The following BICC1 variants were observed in gnomAD, a reference collection of about 807,000 sequenced individuals.
The protein encoded by BICC1 is BicC family RNA binding protein 1.
BICC1 carries 43 observed loss-of-function variants against 111.0 expected under a neutral mutation model. The ratio of observed to expected loss-of-function variants is 0.39; its 90% confidence interval spans 0.30 to 0.50. BICC1 has a LOEUF of 0.50. Among genes scored for constraint, BICC1 ranks in the 20% least tolerant of loss-of-function variants. The pLI, the probability that BICC1 is intolerant of heterozygous loss-of-function variation, is 0.88. For synonymous variants in BICC1, 467 were observed against 434.4 expected (o/e 1.07, Z -0.93); for missense variants, 1,091 against 1,203.2 (o/e 0.91, Z 1.38).
At chr10:58,771,501 G>A (rs12783881) in intron 3 of BICC1, among the ~76,000 whole-genome samples, 24,184 of 152,018 alleles carry the variant, frequency 0.16, 2,467 homozygotes, top group Middle Eastern at 0.27. Flanking sequence ...AAGGGAACAA[G>A]CAGTGTCACG....
At chr10:58,752,285 G>T (rs1363673908) in intron 3 of BICC1, among the ~76,000 whole-genome samples, 1 of 152,098 alleles carries the variant, frequency 6.6e-6, no homozygotes, top group East Asian at 1.9e-4. Flanking sequence ...GCGTATTGAT[G>T]GCATTTTAAA....
intron 8 of BICC1, among the ~76,000 whole-genome samples, chr10:58,792,580 A>G (rs1791723961): frequency 6.6e-6 from 1 of 152,122 alleles, no homozygotes; most frequent in African/African-American, 2.4e-5. Flanking sequence ...AGATTCTCAT[A>G]GGGGCATGAA....
intron 2 of BICC1, among the ~76,000 whole-genome samples, chr10:58,627,274 T>C (rs1837661850): frequency 6.6e-6 from 1 of 152,212 alleles, no homozygotes. Context: ...GAAATTGAAT[T>C]CATGAAAATA....
intron 1 of BICC1, among the ~76,000 whole-genome samples, chr10:58,580,216 G>T (rs547825178): frequency 6.6e-6 from 1 of 152,036 alleles, no homozygotes; most frequent in African/African-American, 2.4e-5. Context: ...TAGAGACAGG[G>T]TTTCACCATG....
At chr10:58,603,114 G>GA (rs1331314572) in intron 1 of BICC1, among the ~76,000 whole-genome samples, 1 of 152,100 alleles carries the variant, frequency 6.6e-6, no homozygotes, top group Non-Finnish European at 1.5e-5. Flanking sequence ...ATTTCACCTT[G>GA]AAAAACAGCT....
intron 2 of BICC1, among the ~76,000 whole-genome samples, chr10:58,679,588 G>A (rs1302557298): frequency 3.3e-5 from 5 of 152,172 alleles, no homozygotes; most frequent in Non-Finnish European, 7.3e-5. Flanking sequence ...TGGATTCACA[G>A]CCGAATTGTA....
chr10:58,668,902 G>A (rs138931841), intron 2 of BICC1, among the ~76,000 whole-genome samples: 1 of 152,098 alleles, frequency 6.6e-6, no homozygotes, highest in Non-Finnish European at 1.5e-5. Flanking sequence ...AAGAAATAGT[G>A]CCTATTTGAG....
chr10:58,659,529 C>G (rs1353381562), intron 2 of BICC1, among the ~76,000 whole-genome samples: 3 of 152,102 alleles, frequency 2.0e-5, no homozygotes, highest in African/African-American at 7.2e-5. Flanking sequence ...GGGAGCTAAA[C>G]TTTGAGTACA....
chr10:58,620,808 T>C (rs1845777699), intron 1 of BICC1, 47 bp from the exon 2 acceptor site: 11 of 1,578,886 alleles, frequency 7.0e-6, no homozygotes, highest in Non-Finnish European at 9.5e-6. Context: ...GTTTTTTGAA[T>C]GCATACATTG....
chr10:58,540,657 A>G (rs1842940367), intron 1 of BICC1, among the ~76,000 whole-genome samples: 1 of 152,064 alleles, frequency 6.6e-6, no homozygotes, highest in Non-Finnish European at 1.5e-5. Flanking sequence ...AGATGGCTTC[A>G]CTGGAGAATG....
At chr10:58,591,776 G>C (rs71508110) in intron 1 of BICC1, among the ~76,000 whole-genome samples, 1 of 152,190 alleles carries the variant, frequency 6.6e-6, no homozygotes, top group Non-Finnish European at 1.5e-5. Flanking sequence ...CAAGAGTTTA[G>C]GTATGTGCTG....
chr10:58,552,347 T>C (rs1843316799), intron 1 of BICC1, among the ~76,000 whole-genome samples: 2 of 152,084 alleles, frequency 1.3e-5, no homozygotes, highest in Admixed American at 1.3e-4. Flanking sequence ...TTTATTTATT[T>C]ATTTTTGAGA....
chr10:58,573,949 C>A (rs1387652319), intron 1 of BICC1, among the ~76,000 whole-genome samples: 2 of 152,146 alleles, frequency 1.3e-5, no homozygotes, highest in Middle Eastern at 3.2e-3. Context: ...GCAAAATTCA[C>A]ATTTACCCAT....
chr10:58,653,428 G>A (rs1462158985), intron 2 of BICC1, among the ~76,000 whole-genome samples: 1 of 152,100 alleles, frequency 6.6e-6, no homozygotes, highest in Non-Finnish European at 1.5e-5. Context: ...CACCAAGACT[G>A]TGGACACCAA....
intron 2 of BICC1, among the ~76,000 whole-genome samples, chr10:58,629,951 A>G (rs1030896): frequency 1 from 151,572 of 152,312 alleles, 75,417 homozygotes; most frequent in Middle Eastern, 1. Flanking sequence ...TGTAGTTTAC[A>G]TGATTATAGC....
intron 2 of BICC1, among the ~76,000 whole-genome samples, chr10:58,641,948 G>C (rs1425184422): frequency 1.3e-5 from 2 of 152,130 alleles, no homozygotes; most frequent in African/African-American, 4.8e-5. Flanking sequence ...CGTCTAAATG[G>C]CCACATGTTT....
At chr10:58,606,751 A>G (rs991849904) in intron 1 of BICC1, among the ~76,000 whole-genome samples, 1 of 151,854 alleles carries the variant, frequency 6.6e-6, no homozygotes, top group Non-Finnish European at 1.5e-5. Flanking sequence ...TGCTTTGAGT[A>G]TTTTTTCTTT....
At chr10:58,726,914 T>G (rs541720481) in intron 3 of BICC1, among the ~76,000 whole-genome samples, 430 of 152,260 alleles carry the variant, frequency 2.8e-3, no homozygotes, top group Non-Finnish European at 4.3e-3. Flanking sequence ...TTGTACAAAA[T>G]GGAACTTTTT....
chr10:58,574,702 A>C (rs558415623), intron 1 of BICC1, among the ~76,000 whole-genome samples: 80 of 152,314 alleles, frequency 5.3e-4, no homozygotes, highest in Admixed American at 1.2e-3. Context: ...GACAATTTTA[A>C]TAGATTTATT....
Sources: gnomAD v4.1 joint callset for allele counts (sites outside exome capture counted in the v4.1 genomes callset) on GRCh38, gnomAD v4.1.1 for gene constraint, MANE v1.5 for transcripts, NCBI Gene and HGNC (gene_info 2026-07-23, HGNC 2026-07-21) for gene names.